The following SUPT3H variants were observed in gnomAD, a reference collection of about 807,000 sequenced individuals.
SUPT3H encodes transcription initiation protein SPT3 homolog.
SUPT3H carries 44 observed loss-of-function variants against 44.3 expected under a neutral mutation model. That is an observed-to-expected ratio of 0.99 (90% CI 0.78 to 1.28). SUPT3H has a LOEUF of 1.28. SUPT3H is among the 50% of genes most tolerant of loss of function. The pLI is 0.00. For missense variants in SUPT3H, 380 were observed against 387.1 expected (o/e 0.98, Z 0.15); for synonymous variants, 124 against 125.6 (o/e 0.99, Z 0.09).
At chr6:44,950,889 T>G (rs1005999514) in intron 9 of SUPT3H, among the ~76,000 whole-genome samples, 6 of 151,514 alleles carry the variant, frequency 4.0e-5, no homozygotes, top group Admixed American at 1.3e-4. Flanking sequence ...TTAGGGTACA[T>G]GTGCACATTG....
intron 3 of SUPT3H, among the ~76,000 whole-genome samples, chr6:45,089,945 C>T (rs577964508): frequency 6.6e-6 from 1 of 152,152 alleles, no homozygotes; most frequent in South Asian, 2.1e-4. Context: ...AATTCAATGA[C>T]CTTGAAAATC....
At chr6:45,073,103 G>C (rs1469810564) in intron 3 of SUPT3H, among the ~76,000 whole-genome samples, 1 of 152,028 alleles carries the variant, frequency 6.6e-6, no homozygotes. Context: ...TCACAGACAA[G>C]ATTTTGGTTG....
chr6:44,838,272 C>T (rs890165262), intron 10 of SUPT3H, among the ~76,000 whole-genome samples: 10 of 152,184 alleles, frequency 6.6e-5, no homozygotes, highest in Admixed American at 6.5e-4. Flanking sequence ...TCAAAAAACA[C>T]AGAGTACAAG....
rs149148578 is a variant in SUPT3H at position 45,242,677 on chromosome 6, C to G, written c.101+122524G>C. Reference sequence around the variant, plus strand: ...TCAACAAGATCAAGTGTATCTATAACTAATCTATAATTAAATTGCCTGGAA... The same window carrying G: ...TCAACAAGATCAAGTGTATCTATAAGTAATCTATAATTAAATTGCCTGGAA... On this transcript the variant is annotated intron_variant, in intron 2 of 10. Transcript: ENST00000371459. Among the ~76,000 whole-genome samples, 47 of 152,246 alleles carry G rather than the reference C, an allele frequency of 3.1e-4. 1 individual carries two copies. In the East Asian group the frequency reaches 7.3e-3, roughly 24 times the overall value.
At chr6:45,193,320 T>C (rs1815453424) in intron 2 of SUPT3H, among the ~76,000 whole-genome samples, 1 of 152,174 alleles carries the variant, frequency 6.6e-6, no homozygotes, top group African/African-American at 2.4e-5. Flanking sequence ...ATGTCCTAAA[T>C]AAGCTTTAAA....
chr6:45,374,132 T>G (rs891899849), intron 1 of SUPT3H, among the ~76,000 whole-genome samples: 2 of 152,166 alleles, frequency 1.3e-5, no homozygotes, highest in African/African-American at 4.8e-5. Flanking sequence ...ATAAGGAAAT[T>G]GAGGCTCTGA....
intron 4 of SUPT3H, among the ~76,000 whole-genome samples, chr6:45,016,945 T>A (rs1382283637): frequency 1.3e-5 from 2 of 150,696 alleles, no homozygotes; most frequent in Non-Finnish European, 3.0e-5. Context: ...GTTGAACTAG[T>A]TTACAGTCCC....
At chr6:45,053,423 G>A (rs1182627850) in intron 3 of SUPT3H, among the ~76,000 whole-genome samples, 1 of 151,878 alleles carries the variant, frequency 6.6e-6, no homozygotes, top group Non-Finnish European at 1.5e-5. Flanking sequence ...TACCTGATGG[G>A]GTTCAAGAAA....
intron 2 of SUPT3H, among the ~76,000 whole-genome samples, chr6:45,121,820 C>T (rs1220132308): frequency 6.6e-6 from 1 of 152,018 alleles, no homozygotes; most frequent in Non-Finnish European, 1.5e-5. Flanking sequence ...GGATTACAGG[C>T]ACCCGCCACC....
chr6:45,155,863 C>A lies in SUPT3H; in HGVS notation c.102-49857G>T, dbSNP rs566935376. On this transcript the variant is annotated intron_variant, in intron 2 of 10. Transcript: ENST00000371459. Reference sequence around the variant, plus strand: ...ACTATGAAGCATTCTGTTGAAGAAACCAGTAAAAGTTCACTTATATATAAA... The same window carrying A: ...ACTATGAAGCATTCTGTTGAAGAAAACAGTAAAAGTTCACTTATATATAAA... 5.6e-4 allele frequency among the ~76,000 whole-genome samples: 85 copies of A among 152,162 alleles called. No homozygotes were observed. The Middle Eastern group carries it at 0.01, about 18-fold the overall frequency.
In SUPT3H at chr6:45,293,963, G is replaced by T. The variant is rs139156318; in HGVS notation, c.101+71238C>A. Among the ~76,000 whole-genome samples, 353 of 152,160 alleles carry T rather than the reference G, an allele frequency of 2.3e-3. 1 individual carries two copies. Among genetic ancestry groups the T allele is most frequent in the African/African-American group, 7.8e-3 (322 of 41,522 alleles). On this transcript the variant is annotated intron_variant, in intron 2 of 10. Coordinates refer to ENST00000371459, the MANE Select transcript of SUPT3H (RefSeq NM_003599.4). ...CTATTCTACAAGATAGAGAAAGAGG[G>T]AACCCTCCCTAAATCATTCTATGAA...
chr6:45,274,371 A>T (rs558413596), intron 2 of SUPT3H, among the ~76,000 whole-genome samples: 1 of 152,266 alleles, frequency 6.6e-6, no homozygotes, highest in South Asian at 2.1e-4. Context: ...TCATTGTGTT[A>T]TATCTAAGAG....
chr6:45,221,227 G>A (rs1765998997), intron 2 of SUPT3H, among the ~76,000 whole-genome samples: 1 of 152,156 alleles, frequency 6.6e-6, no homozygotes, highest in Non-Finnish European at 1.5e-5. Flanking sequence ...CTGTCATGGG[G>A]TGGGGGCATG....
intron 3 of SUPT3H, among the ~76,000 whole-genome samples, chr6:45,092,151 T>C (rs1797201493): frequency 6.6e-6 from 1 of 152,146 alleles, no homozygotes; most frequent in South Asian, 2.1e-4. Flanking sequence ...CTTATCAGCA[T>C]CTGCCTTATT....
chr6:44,930,207 T>C (rs1328619875), intron 10 of SUPT3H, among the ~76,000 whole-genome samples: 2 of 151,964 alleles, frequency 1.3e-5, no homozygotes, highest in African/African-American at 4.8e-5. Context: ...TGAAACCCCG[T>C]CTCTACTAAA....
At chr6:45,049,331 G>T (rs1398348072) in intron 3 of SUPT3H, among the ~76,000 whole-genome samples, 1 of 152,080 alleles carries the variant, frequency 6.6e-6, no homozygotes, top group African/African-American at 2.4e-5. Context: ...GCTCCAAGGG[G>T]CCTCTGTCCC....
intron 2 of SUPT3H, among the ~76,000 whole-genome samples, chr6:45,248,106 GA>G (rs1468582022): frequency 6.6e-6 from 1 of 151,584 alleles, no homozygotes; most frequent in African/African-American, 2.4e-5. Flanking sequence ...ATATAAAACA[GA>G]AAAAAACCTA....
chr6:44,992,694 T>C (rs961141758), intron 6 of SUPT3H, among the ~76,000 whole-genome samples: 2 of 151,552 alleles, frequency 1.3e-5, no homozygotes, highest in African/African-American at 4.9e-5. Flanking sequence ...CTTTTAAATT[T>C]CATCCAAAAA....
chr6:45,122,264 T>C (rs1008798744), intron 2 of SUPT3H, among the ~76,000 whole-genome samples: 5 of 152,274 alleles, frequency 3.3e-5, no homozygotes, highest in African/African-American at 1.2e-4. Context: ...AGGCTGTCTG[T>C]AGCACTTTTA....
Sources: allele counts gnomAD v4.1 joint callset (sites outside exome capture counted in the v4.1 genomes callset), GRCh38; gene constraint gnomAD v4.1.1; transcripts MANE v1.5; gene names NCBI Gene and HGNC (gene_info 2026-07-23, HGNC 2026-07-21).